Variants in VWA8 observed in about 807,000 individuals in gnomAD.
VWA8 encodes von Willebrand factor A domain containing 8, also known as von Willebrand factor A domain-containing protein 8.
Under a neutral mutation model 241.5 loss-of-function variants are expected in VWA8, and 221 were observed. The observed-to-expected ratio is 0.91, with a 90% CI of 0.82 to 1.02. VWA8 has a LOEUF of 1.02. Ranked by LOEUF, VWA8 falls within the 50% of genes least tolerant of loss-of-function variation. VWA8 has a pLI of 0.00. For missense variants in VWA8, 2,322 were observed against 2,328.7 expected (o/e 1.00, Z 0.06); for synonymous variants, 852 against 827.1 (o/e 1.03, Z -0.52).
intron 37 of VWA8, among the ~76,000 whole-genome samples, chr13:41,644,431 T>C (rs1458072239): frequency 1.3e-5 from 2 of 152,242 alleles, no homozygotes; most frequent in African/African-American, 4.8e-5. Flanking sequence ...ATAAAGTCAA[T>C]GAGAAAAAAC....
intron 21 of VWA8, among the ~76,000 whole-genome samples, chr13:41,758,002 T>G (rs1276075964): frequency 6.6e-6 from 1 of 151,590 alleles, no homozygotes; most frequent in African/African-American, 2.4e-5. Context: ...GGATTAAAAA[T>G]GTATTGTAAA....
At chr13:41,879,325 C>A (rs528074527) in intron 9 of VWA8, among the ~76,000 whole-genome samples, 10 of 151,582 alleles carry the variant, frequency 6.6e-5, no homozygotes, top group African/African-American at 2.4e-4. Flanking sequence ...CTTTCTGCTG[C>A]TGTTCCTCCT....
intron 12 of VWA8, among the ~76,000 whole-genome samples, chr13:41,835,463 C>T (rs1406182636): frequency 6.6e-6 from 1 of 152,066 alleles, no homozygotes; most frequent in Non-Finnish European, 1.5e-5. Context: ...ATTATATGAG[C>T]AATATCACTC....
chr13:41,639,262 A>G (rs2044779462), intron 37 of VWA8, among the ~76,000 whole-genome samples: 1 of 152,110 alleles, frequency 6.6e-6, no homozygotes, highest in Admixed American at 6.6e-5. Flanking sequence ...ATTAAGTGCT[A>G]GATAGATGTG....
intron 26 of VWA8, among the ~76,000 whole-genome samples, chr13:41,708,237 T>C (rs775744172): frequency 6.6e-6 from 1 of 152,046 alleles, no homozygotes; most frequent in Non-Finnish European, 1.5e-5. Context: ...GGCGCATGCC[T>C]GTAATCTCAG....
chr13:41,823,834 G>A (rs1036166352), intron 14 of VWA8, among the ~76,000 whole-genome samples: 11 of 152,266 alleles, frequency 7.2e-5, no homozygotes, highest in Admixed American at 1.3e-4. Context: ...ATACAATGAA[G>A]GTTGGCAAAG....
chr13:41,674,995 A>T (rs1221912843), intron 36 of VWA8, among the ~76,000 whole-genome samples: 6 of 152,178 alleles, frequency 3.9e-5, no homozygotes, highest in African/African-American at 1.4e-4. Flanking sequence ...AGGCTGTTTG[A>T]CTTATACCTA....
chr13:41,608,384 T>A (rs886100278), intron 39 of VWA8, among the ~76,000 whole-genome samples: 2 of 152,176 alleles, frequency 1.3e-5, no homozygotes, highest in African/African-American at 4.8e-5. Context: ...GCTAATACTC[T>A]CAGGCCCACA....
At chr13:41,792,863 TATTG>T (rs936053782) in intron 17 of VWA8, among the ~76,000 whole-genome samples, 2 of 152,084 alleles carry the variant, frequency 1.3e-5, no homozygotes, top group African/African-American at 4.8e-5. Flanking sequence ...TATATTTCCT[TATTG>T]ATTGTTACTG....
rs1335183917 is a variant in VWA8 at position 41,719,755 on chromosome 13, A to G, written c.2965-13T>C. On this transcript the variant is annotated splice_polypyrimidine_tract_variant and intron_variant, in intron 25 of 44. Coordinates refer to ENST00000379310, the MANE Select transcript of VWA8 (RefSeq NM_015058.2). ...CAGTCGGAAATTTCTGTATTAAAAA[A>G]AAATTCCCTTATTATGCATGTGATA... 1 of 1,604,022 alleles carries G rather than the reference A, an allele frequency of 6.2e-7. No homozygotes were observed. Among genetic ancestry groups the G allele is most frequent in the Non-Finnish European group, 8.5e-7 (1 of 1,175,276 alleles).
chr13:41,576,934 CA>C (rs1287524949), intron 42 of VWA8, among the ~76,000 whole-genome samples: 1 of 152,246 alleles, frequency 6.6e-6, no homozygotes, highest in Non-Finnish European at 1.5e-5. Flanking sequence ...TGTGTGTGGA[CA>C]CCCAGTGCTG....
At chr13:41,715,560 TAAAA>T (rs2045343208) in intron 26 of VWA8, among the ~76,000 whole-genome samples, 1 of 151,930 alleles carries the variant, frequency 6.6e-6, no homozygotes, top group South Asian at 2.1e-4. Context: ...TATTCCCAAA[TAAAA>T]GAAAGTTCAG....
At chr13:41,926,676 C>T in intron 2 of VWA8, 2 of 540,934 alleles carry the variant, frequency 3.7e-6, no homozygotes, top group South Asian at 2.8e-5. Context: ...AAGCATATTA[C>T]AGGCAGTTAC....
intron 35 of VWA8, among the ~76,000 whole-genome samples, chr13:41,679,017 G>T (rs2045079482): frequency 6.6e-6 from 1 of 152,308 alleles, no homozygotes; most frequent in Admixed American, 6.5e-5. Flanking sequence ...AATTAAGGAA[G>T]TGAAAACTGT....
intron 12 of VWA8, among the ~76,000 whole-genome samples, chr13:41,838,348 T>C (rs549622608): frequency 1.3e-5 from 2 of 152,264 alleles, no homozygotes; most frequent in South Asian, 4.1e-4. Flanking sequence ...AATCTGAAAA[T>C]ATTATAGTAC....
At chr13:41,951,477 T>C (rs982486570) in intron 1 of VWA8, among the ~76,000 whole-genome samples, 2 of 152,052 alleles carry the variant, frequency 1.3e-5, no homozygotes, top group Admixed American at 6.5e-5. Flanking sequence ...CAGGCAAAAG[T>C]TTTCAGTAAG....
intron 37 of VWA8, among the ~76,000 whole-genome samples, chr13:41,655,984 C>T (rs9594605): frequency 0.034 from 5,240 of 152,010 alleles, 298 homozygotes; most frequent in African/African-American, 0.12. Flanking sequence ...TTTTAAACTT[C>T]GAAATAATTA....
chr13:41,888,452 C>A (rs1203577951), intron 5 of VWA8, among the ~76,000 whole-genome samples: 1 of 152,172 alleles, frequency 6.6e-6, no homozygotes, highest in Non-Finnish European at 1.5e-5. Flanking sequence ...GACCCTCCTT[C>A]CGTGACCCTG....
chr13:41,771,987 C>A (rs1473845748), intron 20 of VWA8, among the ~76,000 whole-genome samples: 2 of 147,532 alleles, frequency 1.4e-5, no homozygotes, highest in East Asian at 4.1e-4. Context: ...GCCTCCTGGG[C>A]TCAAGCGATT....
Sources: gnomAD v4.1 joint callset for allele counts (sites outside exome capture counted in the v4.1 genomes callset) on GRCh38, gnomAD v4.1.1 for gene constraint, MANE v1.5 for transcripts, NCBI Gene and HGNC (gene_info 2026-07-23, HGNC 2026-07-21) for gene names.